Variants in NDUFB8 observed in about 807,000 individuals in gnomAD.
NDUFB8 encodes NADH dehydrogenase [ubiquinone] 1 beta subcomplex subunit 8, mitochondrial.
A neutral mutation model predicts 26.0 loss-of-function variants in NDUFB8; 17 were observed. The ratio of observed to expected loss-of-function variants is 0.65; its 90% CI spans 0.45 to 0.98. NDUFB8 has a LOEUF of 0.98. Among genes scored for constraint, NDUFB8 ranks in the 50% least tolerant of loss-of-function variants. The pLI, the probability that NDUFB8 is intolerant of heterozygous loss-of-function variation, is 0.00. For synonymous variants in NDUFB8, 89 were observed against 93.1 expected, an observed-to-expected ratio of 0.96 and a Z score of 0.25; for missense variants, 238 against 255.0, an observed-to-expected ratio of 0.93 and a Z score of 0.45.
Position 100,526,425 on chromosome 10 carries a change from C to A in NDUFB8, c.442G>T (p.Asp148Tyr), listed in dbSNP as rs371563487. 1 of 1,609,920 alleles carries A rather than the reference C, an allele frequency of 6.2e-7. No homozygotes were observed. Among genetic ancestry groups the A allele is most frequent in the East Asian group, 2.2e-5 (1 of 44,670 alleles). ...AFMIFMCWVG[D>Y]VYPVYQPVGP... ...ACAGGCTGGTAGACAGGGTACACGTCCCCCACCCAGCACATGAATATCATG... is the reference window on the plus strand; with the variant it reads ...ACAGGCTGGTAGACAGGGTACACGTACCCCACCCAGCACATGAATATCATG... The change falls in exon 4 of 5, where the codon GAC becomes TAC. Residue 148 changes from aspartate to tyrosine, a missense_variant. Physicochemically the swap from Asp to Tyr is radical, Grantham distance 160. Transcript: ENST00000299166.
chr10:100,523,936 A>G lies in NDUFB8; in HGVS notation c.469-7T>C. ...AAGGATACTGCTTTGGTCCCTACAG[A>G]AAAAAACACAGGTCAGCAAGAACAT... On this transcript the variant is annotated splice_polypyrimidine_tract_variant and splice_region_variant and intron_variant, in intron 4 of 4. Coordinates refer to ENST00000299166, the MANE Select transcript of NDUFB8 (RefSeq NM_005004.4). The G allele has an allele frequency of 6.2e-7, 1 of 1,614,040 alleles. No individual in the cohort carries two copies. The highest frequency in any genetic ancestry group is 8.5e-7 in the Non-Finnish European group (1 of 1,180,008).
chr10:100,526,889 C>T, intron 3 of NDUFB8, 86 bp downstream of exon 3: 1 of 1,277,546 alleles, frequency 7.8e-7, no homozygotes, highest in Non-Finnish European at 1.1e-6. Context: ...CTTAGTGTTA[C>T]TTGGTCAAAG....
rs145122054 is a variant in NDUFB8, at chr10:100,529,174, C to T, written c.212+206G>A. Reference sequence around the variant, plus strand: ...TCGGCTTCCTCATTTGAGGAAACAGCCTGAGCCAAGGAGAAAATTGAAGTC... The same window carrying T: ...TCGGCTTCCTCATTTGAGGAAACAGTCTGAGCCAAGGAGAAAATTGAAGTC... On this transcript the variant is annotated intron_variant, in intron 2 of 4. Coordinates refer to ENST00000299166, the MANE Select transcript of NDUFB8 (RefSeq NM_005004.4). 6.8e-4 allele frequency: 272 copies of T among 397,116 alleles called. 1 individual carries two copies. Among genetic ancestry groups the T allele is most frequent in the African/African-American group, 5.2e-3 (244 of 47,150 alleles). 24.6% of individuals were successfully genotyped at this position (397,116 alleles called of 1,614,324 possible).
At chr10:100,526,338 C>A in intron 4 of NDUFB8, 61 bp downstream of exon 4, 1 of 1,509,876 alleles carries the variant, frequency 6.6e-7, no homozygotes, top group South Asian at 1.4e-5. Context: ...CCAGAGACTT[C>A]ACTCCCTCAG....
At position 100,526,675 on chromosome 10, in the gene NDUFB8, T is replaced by A. The variant is rs1323790711; in HGVS notation, c.313-121A>T. ...AGCATTCTACTGCCCTGGGACAATA[T>A]GCTGAGAACCAGGTCTGAGGCACAC... On this transcript the variant is annotated intron_variant, in intron 3 of 4. Coordinates refer to ENST00000299166, the MANE Select transcript of NDUFB8 (RefSeq NM_005004.4). The A allele has an allele frequency of 4.0e-6, 5 of 1,241,988 alleles. No homozygotes were observed. The East Asian group carries it at 1.2e-4, about 31-fold the overall frequency. 76.9% of individuals were successfully genotyped at this position (1,241,988 alleles called of 1,614,324 possible). A position where few individuals can be genotyped will look rare whatever the true frequency, so the allele number is the denominator to read the frequency against.
Position 100,529,825 on chromosome 10 carries a change from C to G in NDUFB8, c.27G>C (p.Leu9Phe), listed in dbSNP as rs1216537274. The G allele has an allele frequency of 1.9e-6, 3 of 1,607,880 alleles. No homozygotes were observed. The highest frequency in any genetic ancestry group is 2.5e-6 in the Non-Finnish European group (3 of 1,177,284). ...ATGCCCTTTGCAGCCACTGGACTCC[C>G]AAGACCCCGGCCCTGGCCACCGCCA... MAVARAGVLGVQWLQRASR... is the reference protein window; with the variant it reads MAVARAGVFGVQWLQRASR... Residue 9 changes from leucine to phenylalanine, a missense_variant, in exon 1 of 5, where the codon TTG becomes TTC. Physicochemically the swap from Leu to Phe is conservative, Grantham distance 22. Coordinates refer to ENST00000299166, the MANE Select transcript of NDUFB8 (RefSeq NM_005004.4).
In NDUFB8 at chr10:100,529,404, T is replaced by C. The variant is rs758343104; in HGVS notation, c.188A>G (p.Glu63Gly). The change falls in exon 2 of 5, where the codon GAA (glutamate) becomes GGA (glycine). Residue 63 changes from glutamate to glycine, a missense_variant. Glu to Gly is a moderately conservative substitution (Grantham distance 98). Coordinates refer to ENST00000299166, the MANE Select transcript of NDUFB8 (RefSeq NM_005004.4). ...CCCCATGCCATCATCCGGGTAAGGT[T>C]CGTAGTCTTCCACACGCATATTATA... ...KKYNMRVEDY[E>G]PYPDDGMGYG... is the part of the protein sequence containing the mutation. The C allele has an allele frequency of 2.5e-6, 4 of 1,612,460 alleles. No homozygotes were observed. The highest frequency in any genetic ancestry group is 1.7e-6 in the Non-Finnish European group (2 of 1,179,486).
At chr10:100,528,387 G>A (rs1358373577) in intron 2 of NDUFB8, among the ~76,000 whole-genome samples, 1 of 152,166 alleles carries the variant, frequency 6.6e-6, no homozygotes. Context: ...AGTGACATAT[G>A]ACTGTACTCT....
intron 3 of NDUFB8, 148 bp from the exon 4 acceptor site, chr10:100,526,702 G>T: frequency 1.0e-6 from 1 of 966,908 alleles, no homozygotes; most frequent in Non-Finnish European, 1.6e-6. Context: ...GAGGCACACT[G>T]CCCTACAGGA....
intron 4 of NDUFB8, chr10:100,526,076 A>C: frequency 4.5e-6 from 1 of 220,270 alleles, no homozygotes; most frequent in Non-Finnish European, 8.8e-6. Flanking sequence ...CCTTAACTCT[A>C]CTGTGAAAGA....
intron 4 of NDUFB8, among the ~76,000 whole-genome samples, chr10:100,525,865 A>AT (rs1200892712): frequency 6.6e-6 from 1 of 152,032 alleles, no homozygotes; most frequent in African/African-American, 2.4e-5. Flanking sequence ...GAATTCCCAT[A>AT]TATCTGTTCA....
chr10:100,526,047 A>G (rs1312567150), intron 4 of NDUFB8: 2 of 190,326 alleles, frequency 1.1e-5, no homozygotes, highest in Non-Finnish European at 2.1e-5. Flanking sequence ...AACAAAGGAT[A>G]AGATTTTCAC....
At chr10:100,529,300 AAG>A in intron 2 of NDUFB8, 78 bp downstream of exon 2, 1 of 1,329,426 alleles carries the variant, frequency 7.5e-7, no homozygotes, top group Non-Finnish European at 9.8e-7. Flanking sequence ...GTTCGGGAAA[AAG>A]GGTCACAGTC....
intron 2 of NDUFB8, among the ~76,000 whole-genome samples, 173 bp from the exon 3 acceptor site, chr10:100,527,247 C>T (rs992954559): frequency 2.6e-5 from 4 of 152,194 alleles, no homozygotes; most frequent in African/African-American, 9.7e-5. Context: ...ACAGAATTAA[C>T]CATAGAAGTC....
Position 100,527,051 on chromosome 10 carries a change from G to A in NDUFB8, c.236C>T (p.Pro79Leu). The A allele has an allele frequency of 3.7e-6, 6 of 1,614,130 alleles. No individual in the cohort carries two copies. The highest frequency in any genetic ancestry group is 5.1e-6 in the Non-Finnish European group (6 of 1,180,004). Residue 79 changes from proline to leucine, a missense_variant, in exon 3 of 5, where the codon CCT becomes CTT. Pro to Leu is a moderately conservative substitution (Grantham distance 98, BLOSUM62 -3). Coordinates refer to ENST00000299166, the MANE Select transcript of NDUFB8 (RefSeq NM_005004.4). ...ATCTCTCTCATGCTGTGAGCGGTCA[G>A]GGAGCTTCGGGTAGTCGCCATACCT... ...GMGYGDYPKL[P>L]DRSQHERDPW...
Position 100,524,482 on chromosome 10 carries a change from A to C in NDUFB8, c.469-553T>G, listed in dbSNP as rs1305586968. Among the ~76,000 whole-genome samples the C allele has an allele frequency of 1.3e-5, 2 of 152,194 alleles. No individual in the cohort carries two copies. The highest frequency in any genetic ancestry group is 2.9e-5 in the Non-Finnish European group (2 of 68,028). ...AACAGCTGTCAGAGAACACAGCTCA[A>C]GGGGAGGAGAAAAGGGTGATGTGCT... On this transcript the variant is annotated intron_variant, in intron 4 of 4. Transcript: ENST00000299166. The surrounding 1 kb of genome is among the most constrained non-coding windows in gnomAD (Gnocchi z 4.0).
chr10:100,529,261 C>T (rs1224441539), intron 2 of NDUFB8, 119 bp downstream of exon 2: 1 of 752,602 alleles, frequency 1.3e-6, no homozygotes, highest in African/African-American at 2.0e-5. Flanking sequence ...AAAGCACCCA[C>T]TCCATTGACT....
rs770678342 is a variant in NDUFB8, at chr10:100,526,381, C to T, written c.468+18G>A. The T allele has an allele frequency of 1.9e-5, 30 of 1,567,878 alleles. No individual in the cohort carries two copies. Among genetic ancestry groups the T allele is most frequent in the Non-Finnish European group, 2.4e-5 (28 of 1,164,358 alleles). ...GGCTAAGCAAGCGTGCCTAAGGGAG[C>T]ACTTCTCGGATACTCACCACAGGCT... is the stretch of plus-strand genomic sequence containing the variant. On this transcript the variant is annotated intron_variant, in intron 4 of 4. Coordinates refer to ENST00000299166, the MANE Select transcript of NDUFB8 (RefSeq NM_005004.4).
intron 4 of NDUFB8, 47 bp from the exon 5 acceptor site, chr10:100,523,976 C>T (rs775653278): frequency 6.2e-7 from 1 of 1,612,554 alleles, no homozygotes. Context: ...TCAGTCAATA[C>T]CTGGCTACAC....
Sources: gnomAD v4.1 joint callset for allele counts (sites outside exome capture counted in the v4.1 genomes callset) on GRCh38, gnomAD v4.1.1 for gene constraint, Gnocchi (gnomAD v3.1) non-coding constraint, MANE v1.5 for transcripts, NCBI Gene and HGNC (gene_info 2026-07-23, HGNC 2026-07-21) for gene names.